ARHGAP6: variants seen among roughly 807,000 people sequenced by gnomAD.
ARHGAP6 encodes Rho GTPase activating protein 6.
In ARHGAP6, 16 loss-of-function variants were observed where a neutral mutation model predicts 55.7. That is an observed-to-expected ratio of 0.29 (90% CI 0.19 to 0.44). The LOEUF is 0.44. Among genes scored for constraint, ARHGAP6 ranks in the 20% least tolerant of loss-of-function variants. The pLI is 1.00. For missense variants in ARHGAP6, 698 were observed against 808.9 expected (o/e 0.86, Z 1.66); for synonymous variants, 382 against 360.9 (o/e 1.06, Z -0.66).
chrX:11,146,833 T>G (rs1361645340), intron 10 of ARHGAP6, among the ~76,000 whole-genome samples: 1 of 112,201 alleles, frequency 8.9e-6, no homozygotes. Context: ...AAAATGCTCT[T>G]TCTTACTTAG....
intron 3 of ARHGAP6, among the ~76,000 whole-genome samples, chrX:11,191,882 A>T (rs796734423): frequency 9.1e-6 from 1 of 110,278 alleles, no homozygotes; most frequent in South Asian, 3.9e-4. Flanking sequence ...GTTTTTCTCT[A>T]CCTCTCTGGC....
intron 5 of ARHGAP6, among the ~76,000 whole-genome samples, chrX:11,185,819 C>T (rs963145743): frequency 7.2e-5 from 8 of 111,622 alleles, no homozygotes; most frequent in African/African-American, 2.0e-4. Flanking sequence ...CAATGATTCC[C>T]CAATTTTTTT....
intron 1 of ARHGAP6, among the ~76,000 whole-genome samples, chrX:11,520,990 C>T (rs1399211040): frequency 1.8e-5 from 2 of 112,115 alleles, no homozygotes; most frequent in African/African-American, 3.2e-5. Flanking sequence ...ATATCCTTCA[C>T]CCACTTGTTG....
At chrX:11,468,908 G>T (rs933943867) in intron 1 of ARHGAP6, among the ~76,000 whole-genome samples, 6 of 112,542 alleles carry the variant, frequency 5.3e-5, no homozygotes, top group Non-Finnish European at 7.5e-5. Flanking sequence ...AAGTAATTAG[G>T]TATGAGGGTG....
intron 1 of ARHGAP6, among the ~76,000 whole-genome samples, chrX:11,441,471 CAA>C (rs1326981512): frequency 9.0e-6 from 1 of 111,706 alleles, no homozygotes; most frequent in African/African-American, 3.3e-5. Context: ...TTTTGGTTCA[CAA>C]AGTGAGAAGC....
chrX:11,625,623 T>C (rs2052289070), intron 1 of ARHGAP6, among the ~76,000 whole-genome samples: 1 of 111,316 alleles, frequency 9.0e-6, no homozygotes, highest in South Asian at 3.7e-4. Context: ...TATTCTGTAA[T>C]AGGACAAATA....
At chrX:11,181,671 C>A (rs1186511906) in intron 6 of ARHGAP6, among the ~76,000 whole-genome samples, 1 of 112,525 alleles carries the variant, frequency 8.9e-6, no homozygotes, top group African/African-American at 3.2e-5. Flanking sequence ...ATAAACATAG[C>A]ATCTTATGTG....
intron 2 of ARHGAP6, among the ~76,000 whole-genome samples, chrX:11,243,982 C>T (rs1490140323): frequency 9.0e-6 from 1 of 111,716 alleles, no homozygotes; most frequent in African/African-American, 3.3e-5. Flanking sequence ...TCAAAATCAT[C>T]TAATGATGCA....
chrX:11,169,260 A>G, intron 9 of ARHGAP6: 1 of 278,949 alleles, frequency 3.6e-6, no homozygotes, highest in South Asian at 2.1e-4. Flanking sequence ...CCAAAATGTG[A>G]CCATGGTTTA....
intron 2 of ARHGAP6, among the ~76,000 whole-genome samples, chrX:11,237,663 C>T (rs1401358924): frequency 8.9e-6 from 1 of 112,052 alleles, no homozygotes; most frequent in Non-Finnish European, 1.9e-5. Context: ...GCACCATCTC[C>T]TGTTTCATTA....
chrX:11,269,861 C>T (rs911863979), intron 1 of ARHGAP6, among the ~76,000 whole-genome samples: 33 of 111,845 alleles, frequency 3.0e-4, no homozygotes, highest in African/African-American at 1.0e-3. Context: ...TAATTGCTAG[C>T]GTCCTTCTGA....
chrX:11,573,775 G>T (rs1410559065), intron 1 of ARHGAP6, among the ~76,000 whole-genome samples: 1 of 110,695 alleles, frequency 9.0e-6, no homozygotes, highest in African/African-American at 3.3e-5. Context: ...ATTACCTTGG[G>T]CAGTATGGCC....
chrX:11,526,625 C>T (rs1024907600), intron 1 of ARHGAP6, among the ~76,000 whole-genome samples: 11 of 111,579 alleles, frequency 9.9e-5, no homozygotes, highest in Non-Finnish European at 1.9e-4. Context: ...TATAGATTCC[C>T]AACTTGTGGG....
intron 1 of ARHGAP6, among the ~76,000 whole-genome samples, chrX:11,364,603 C>T (rs778934358): frequency 1.8e-5 from 2 of 111,616 alleles, no homozygotes; most frequent in South Asian, 7.6e-4. Flanking sequence ...CTTGTGGTTA[C>T]ACTATTCCAT....
At chrX:11,345,968 A>ATT (rs72082446) in intron 1 of ARHGAP6, among the ~76,000 whole-genome samples, 132 of 104,227 alleles carry the variant, frequency 1.3e-3, no homozygotes, top group African/African-American at 4.3e-3. Flanking sequence ...TTTTAGGCAC[A>ATT]TTTTTTTTTT....
At chrX:11,359,430 G>T (rs994712770) in intron 1 of ARHGAP6, among the ~76,000 whole-genome samples, 2 of 112,212 alleles carry the variant, frequency 1.8e-5, no homozygotes, top group African/African-American at 6.5e-5. Context: ...GGCACTTAAA[G>T]GAAGATTAAA....
At chrX:11,408,721 T>C in intron 1 of ARHGAP6, among the ~76,000 whole-genome samples, 1 of 110,421 alleles carries the variant, frequency 9.1e-6, no homozygotes, top group East Asian at 2.8e-4. Context: ...TTAAAGGCAG[T>C]AGGACGACAA....
At chrX:11,554,167 T>C (rs1040170955) in intron 1 of ARHGAP6, among the ~76,000 whole-genome samples, 17 of 111,783 alleles carry the variant, frequency 1.5e-4, no homozygotes, top group Non-Finnish European at 3.0e-4. Context: ...CTGGAGGTCA[T>C]AGTGTTAAGT....
At chrX:11,186,953 G>A (rs1238834166) in intron 4 of ARHGAP6, among the ~76,000 whole-genome samples, 4 of 111,221 alleles carry the variant, frequency 3.6e-5, no homozygotes, top group Non-Finnish European at 3.8e-5. Context: ...GGGGAAATGA[G>A]ACAAGGAAGG....
Sources: allele counts gnomAD v4.1 joint callset (sites outside exome capture counted in the v4.1 genomes callset), GRCh38; gene constraint gnomAD v4.1.1; transcripts MANE v1.5; gene names NCBI Gene and HGNC (gene_info 2026-07-23, HGNC 2026-07-21).